GALNT18: variants seen among roughly 807,000 people sequenced by gnomAD.
GALNT18 encodes the protein polypeptide N-acetylgalactosaminyltransferase 18, also known as GalNAc-transferase 18.
In GALNT18, 44 loss-of-function variants were observed where a neutral mutation model predicts 69.5. The ratio of observed to expected loss-of-function variants is 0.63; its 90% CI spans 0.50 to 0.81. The LOEUF (loss-of-function observed/expected upper bound fraction) is 0.81, where lower values mean the gene tolerates loss of function less well. Ranked by LOEUF, GALNT18 falls within the 40% of genes least tolerant of loss-of-function variation. The pLI, the probability that GALNT18 is intolerant of heterozygous loss-of-function variation, is 0.00. For synonymous variants in GALNT18, 364 were observed against 318.2 expected, an observed-to-expected ratio of 1.14 and a Z score of -1.53; for missense variants, 715 against 810.0, an observed-to-expected ratio of 0.88 and a Z score of 1.42.
intron 9 of GALNT18, among the ~76,000 whole-genome samples, chr11:11,303,417 A>G (rs1407290747): frequency 6.6e-6 from 1 of 152,060 alleles, no homozygotes; most frequent in African/African-American, 2.4e-5. Context: ...ATGCTTCTAG[A>G]ACTGCCTTTC....
intron 1 of GALNT18, among the ~76,000 whole-genome samples, chr11:11,534,936 C>T (rs1857742170): frequency 6.6e-6 from 1 of 152,236 alleles, no homozygotes; most frequent in Admixed American, 6.5e-5. Flanking sequence ...GAAAACGGCA[C>T]AATGCAGTGG....
chr11:11,365,118 T>C (rs1487127), intron 6 of GALNT18, among the ~76,000 whole-genome samples: 36,571 of 152,098 alleles, frequency 0.24, 5,008 homozygotes, highest in Middle Eastern at 0.32. Context: ...GCTGCACCTA[T>C]GGACCCATCC....
chr11:11,596,878 C>T lies in GALNT18; in HGVS notation c.235+24481G>A, dbSNP rs991948648. Among the ~76,000 whole-genome samples the T allele has an allele frequency of 2.0e-5, 3 of 152,030 alleles. No homozygotes were observed. Among genetic ancestry groups the T allele is most frequent in the African/African-American group, 7.2e-5 (3 of 41,394 alleles). ...AGATATGCTTCTGTTGTTCCTGATA[C>T]TGAATGATCTTAATGGTCATTCAGT... On this transcript the variant is annotated intron_variant, in intron 1 of 10. Coordinates refer to ENST00000227756, the MANE Select transcript of GALNT18 (RefSeq NM_198516.3). This position sits in a 1 kb window ranked among gnomAD's most constrained non-coding sequence, Gnocchi z 4.2.
intron 10 of GALNT18, among the ~76,000 whole-genome samples, chr11:11,284,908 G>GTTTTTTTTTTTTTTTTTTTT (rs58795517): frequency 6.0e-5 from 5 of 82,820 alleles, no homozygotes; most frequent in African/African-American, 2.4e-4. Flanking sequence ...AGACTTTCGT[G>GTTTTTTTTTTTTTTTTTTTT]TTTTTTTTTT....
chr11:11,397,153 C>A (rs1476135559), intron 3 of GALNT18, among the ~76,000 whole-genome samples: 1 of 152,152 alleles, frequency 6.6e-6, no homozygotes, highest in Non-Finnish European at 1.5e-5. Flanking sequence ...TATTCAAAGC[C>A]TTTTGGTATT....
At chr11:11,355,752 C>A (rs540343226) in intron 6 of GALNT18, among the ~76,000 whole-genome samples, 1 of 152,144 alleles carries the variant, frequency 6.6e-6, no homozygotes, top group Admixed American at 6.5e-5. Context: ...TCAAGACCCT[C>A]ACCTCCTGAT....
intron 1 of GALNT18, among the ~76,000 whole-genome samples, chr11:11,456,465 G>T (rs893308034): frequency 1.3e-5 from 2 of 152,184 alleles, no homozygotes; most frequent in African/African-American, 4.8e-5. Context: ...GTGGCAAACA[G>T]CTGCCGCCTA....
At chr11:11,306,283 T>C (rs1590025004) in intron 9 of GALNT18, among the ~76,000 whole-genome samples, 1 of 152,140 alleles carries the variant, frequency 6.6e-6, no homozygotes, top group South Asian at 2.1e-4. Flanking sequence ...AGATAACATA[T>C]GGTCAATGTG....
chr11:11,387,102 A>G lies in GALNT18; in HGVS notation c.596-7838T>C, dbSNP rs1305711175. The stretch of plus-strand genomic sequence containing the variant: ...CCAAATACGTGTGGTTCCAGCCCAT[A>G]ACACAAGGATGTAAATGCAGTCTGA... On this transcript the variant is annotated intron_variant, in intron 3 of 10. Coordinates refer to ENST00000227756, the MANE Select transcript of GALNT18 (RefSeq NM_198516.3). This position sits in a 1 kb window ranked among gnomAD's most constrained non-coding sequence, Gnocchi z 4.6. 1.3e-5 allele frequency among the ~76,000 whole-genome samples: 2 copies of G among 152,210 alleles called. No individual in the cohort carries two copies. The highest frequency in any genetic ancestry group is 4.8e-5 in the African/African-American group (2 of 41,456).
chr11:11,560,063 G>C (rs1477689715), intron 1 of GALNT18, among the ~76,000 whole-genome samples: 19 of 103,892 alleles, frequency 1.8e-4, no homozygotes, highest in Middle Eastern at 5.8e-3. Flanking sequence ...GATAGGATGG[G>C]ATGGAATAGA....
rs116700676 is a variant in GALNT18, at chr11:11,593,801, T to A, written c.235+27558A>T. 6.2e-3 allele frequency among the ~76,000 whole-genome samples: 949 copies of A among 152,228 alleles called. 12 individuals carry two copies. The highest frequency in any genetic ancestry group is 0.022 in the African/African-American group (915 of 41,562). On this transcript the variant is annotated intron_variant, in intron 1 of 10. Coordinates refer to ENST00000227756, the MANE Select transcript of GALNT18 (RefSeq NM_198516.3). Reference sequence around the variant, plus strand: ...AAATAAAGTAAAATAAAATAAAAATTTCCAGCCTTTCTCAATTGCACTGTC... The same window carrying A: ...AAATAAAGTAAAATAAAATAAAAATATCCAGCCTTTCTCAATTGCACTGTC...
chr11:11,449,037 T>A, intron 1 of GALNT18, 101 bp from the exon 2 acceptor site: 1 of 997,386 alleles, frequency 1.0e-6, no homozygotes, highest in Admixed American at 3.0e-5. Flanking sequence ...GGTAAAACAA[T>A]CTTAGCCCCT....
At chr11:11,284,234 T>G (rs951663207) in intron 10 of GALNT18, among the ~76,000 whole-genome samples, 2 of 152,220 alleles carry the variant, frequency 1.3e-5, no homozygotes, top group African/African-American at 4.8e-5. Flanking sequence ...CAGCCAAGCA[T>G]CTTTCTGCCT....
chr11:11,341,615 T>A lies in GALNT18; in HGVS notation c.1093-611A>T, dbSNP rs997121965. On this transcript the variant is annotated intron_variant, in intron 6 of 10. Coordinates refer to ENST00000227756, the MANE Select transcript of GALNT18 (RefSeq NM_198516.3). The surrounding 1 kb of genome is among the most constrained non-coding windows in gnomAD (Gnocchi z 6.3). ...TTGGTGAATAGGAGATTGATCCGAA[T>A]GCAATTAGATTTTGAAAGATAAACC... Among the ~76,000 whole-genome samples, 2 of 152,228 alleles carry A rather than the reference T, an allele frequency of 1.3e-5. No individual in the cohort carries two copies. The highest frequency in any genetic ancestry group is 4.8e-5 in the African/African-American group (2 of 41,462).
rs986197051 is a variant in GALNT18, at chr11:11,480,072, G to T, written c.236-31136C>A. ...TTGTAGATCTTGGAGCGGGGAGGGG[G>T]TACAGGAGGCAGAAAATACTGCTAT... On this transcript the variant is annotated intron_variant, in intron 1 of 10. Transcript: ENST00000227756. This position sits in a 1 kb window ranked among gnomAD's most constrained non-coding sequence, Gnocchi z 4.6. 6.6e-6 allele frequency among the ~76,000 whole-genome samples: 1 copy of T among 151,874 alleles called. No homozygotes were observed. Among genetic ancestry groups the T allele is most frequent in the Non-Finnish European group, 1.5e-5 (1 of 67,984 alleles).
chr11:11,426,516 T>C (rs1197173037), intron 3 of GALNT18, among the ~76,000 whole-genome samples: 3 of 152,228 alleles, frequency 2.0e-5, no homozygotes, highest in Non-Finnish European at 2.9e-5. Context: ...TAAATCCATA[T>C]TTATTGAACA....
chr11:11,384,068 G>A (rs1267872790), intron 3 of GALNT18, among the ~76,000 whole-genome samples: 1 of 151,582 alleles, frequency 6.6e-6, no homozygotes, highest in Non-Finnish European at 1.5e-5. Flanking sequence ...ATAATCTTTG[G>A]CATGACTTGA....
chr11:11,316,529 C>T (rs1849758761), intron 9 of GALNT18, among the ~76,000 whole-genome samples: 1 of 152,206 alleles, frequency 6.6e-6, no homozygotes, highest in Admixed American at 6.5e-5. Context: ...CTTCTTTCAT[C>T]TCAACTCTAA....
At chr11:11,468,133 G>A (rs7950167) in intron 1 of GALNT18, among the ~76,000 whole-genome samples, 105,467 of 152,120 alleles carry the variant, frequency 0.69, 36,995 homozygotes, top group Admixed American at 0.77. Context: ...TAAATGTTGT[G>A]CTGGTAAAAT....
Sources: gnomAD v4.1 joint callset for allele counts (sites outside exome capture counted in the v4.1 genomes callset) on GRCh38, gnomAD v4.1.1 for gene constraint, Gnocchi (gnomAD v3.1) non-coding constraint, MANE v1.5 for transcripts, NCBI Gene and HGNC (gene_info 2026-07-23, HGNC 2026-07-21) for gene names.